Variants in PI4K2B observed in about 807,000 individuals in gnomAD.
The protein encoded by PI4K2B is phosphatidylinositol 4-kinase type 2-beta.
PI4K2B carries 46 observed loss-of-function variants against 56.6 expected under a neutral mutation model. That is an observed-to-expected ratio of 0.81 (90% CI 0.64 to 1.04). PI4K2B has a LOEUF of 1.04. Ranked by LOEUF, PI4K2B falls within the 50% of genes least tolerant of loss-of-function variation. PI4K2B has a pLI of 0.00. For missense variants in PI4K2B, 556 were observed against 607.7 expected, an observed-to-expected ratio of 0.91 and a Z score of 0.89; for synonymous variants, 211 against 223.8, an observed-to-expected ratio of 0.94 and a Z score of 0.51.
rs778512997 is a variant in PI4K2B, at chr4:25,252,512, C to T, written c.423+37C>T. The T allele has an allele frequency of 4.3e-5, 57 of 1,315,778 alleles. 1 individual carries two copies. In the South Asian group the frequency reaches 5.8e-4, roughly 13 times the overall value. 81.5% of individuals were successfully genotyped at this position (1,315,778 alleles called of 1,614,324 possible). On this transcript the variant is annotated intron_variant, in intron 2 of 9. Transcript: ENST00000264864. The stretch of plus-strand genomic sequence containing the variant: ...ACAGACCTATTATATGTAATGGAAA[C>T]TTTGGTAAATACTAATTTAAATATG...
rs191419178 is a variant in PI4K2B, at chr4:25,239,749, G to A, written c.268+5318G>A. ...TGGGCGCCGAGGCCGAGGAGGCGCC[G>A]AGAGTGAGCGAGGGCTGCAAGGGCT... On this transcript the variant is annotated intron_variant, in intron 1 of 9. Transcript: ENST00000264864. Among the ~76,000 whole-genome samples, 72 of 152,370 alleles carry A rather than the reference G, an allele frequency of 4.7e-4. 1 individual carries two copies. Among genetic ancestry groups the A allele is most frequent in the Admixed American group, 4.0e-3 (62 of 15,310 alleles).
chr4:25,247,294 C>T (rs1393985963), intron 1 of PI4K2B, among the ~76,000 whole-genome samples: 1 of 152,238 alleles, frequency 6.6e-6, no homozygotes, highest in Non-Finnish European at 1.5e-5. Flanking sequence ...TTTGAAAGTC[C>T]GTGAGTGGCG....
chr4:25,241,036 A>T lies in PI4K2B; in HGVS notation c.268+6605A>T, dbSNP rs113926047. Among the ~76,000 whole-genome samples the T allele has an allele frequency of 1.2e-3, 179 of 152,082 alleles. 2 individuals carry two copies. The South Asian group carries it at 0.022, about 18-fold the overall frequency. On this transcript the variant is annotated intron_variant, in intron 1 of 9. Transcript: ENST00000264864. Reference sequence around the variant, plus strand: ...CCTTTTTGATGGCTTTGGCAGTGTAAGACTGCCACCCCCTTGGGTTTTTTG... The same window carrying T: ...CCTTTTTGATGGCTTTGGCAGTGTATGACTGCCACCCCCTTGGGTTTTTTG...
chr4:25,238,519 G>C (rs932460149), intron 1 of PI4K2B, among the ~76,000 whole-genome samples: 1 of 152,130 alleles, frequency 6.6e-6, no homozygotes, highest in African/African-American at 2.4e-5. Flanking sequence ...GTTCTTAAAG[G>C]CGGTGTGTTC....
At chr4:25,236,332 T>C (rs1715261949) in intron 1 of PI4K2B, among the ~76,000 whole-genome samples, 1 of 152,044 alleles carries the variant, frequency 6.6e-6, no homozygotes. Flanking sequence ...GGTGGATCAT[T>C]TGAGGTCAGG....
chr4:25,259,811 G>A (rs1232315744), intron 5 of PI4K2B, among the ~76,000 whole-genome samples: 1 of 152,200 alleles, frequency 6.6e-6, no homozygotes, highest in African/African-American at 2.4e-5. Flanking sequence ...TGCAGGCCAC[G>A]GGTTGGATAA....
At chr4:25,252,499 T>C (rs994693216) in intron 2 of PI4K2B, 24 bp downstream of exon 2, 3 of 1,456,156 alleles carry the variant, frequency 2.1e-6, no homozygotes, top group Non-Finnish European at 1.9e-6. Context: ...AGACCTATTA[T>C]ATGTAATGGA....
At chr4:25,263,001 A>C (rs1716533311) in intron 6 of PI4K2B, among the ~76,000 whole-genome samples, 1 of 152,172 alleles carries the variant, frequency 6.6e-6, no homozygotes, top group Non-Finnish European at 1.5e-5. Flanking sequence ...ACTTACAATC[A>C]TGGCAGAAGG....
chr4:25,260,694 A>G, intron 6 of PI4K2B, 103 bp downstream of exon 6: 1 of 274,372 alleles, frequency 3.6e-6, no homozygotes, highest in Non-Finnish European at 6.9e-6. Flanking sequence ...ATAATTGTGT[A>G]TAACTTGTGA....
Position 25,278,331 on chromosome 4 carries a change from G to A in PI4K2B, c.*1144G>A, listed in dbSNP as rs1222892031. Reference sequence around the variant, plus strand: ...TGATTTAAATTCAATTGATGAAGATGTGATTTTACAGAAGCAGAAGTTTCA... The same window carrying A: ...TGATTTAAATTCAATTGATGAAGATATGATTTTACAGAAGCAGAAGTTTCA... On this transcript the variant is annotated 3_prime_UTR_variant, in exon 10 of 10. Coordinates refer to ENST00000264864, the MANE Select transcript of PI4K2B (RefSeq NM_018323.4). 2 of 152,188 alleles carry A rather than the reference G, an allele frequency of 1.3e-5. No individual in the cohort carries two copies. Among genetic ancestry groups the A allele is most frequent in the Non-Finnish European group, 2.9e-5 (2 of 68,040 alleles). The allele number at this position is 152,188 out of a possible 1,614,324, so 9.4% of individuals were successfully genotyped here. A position where few individuals can be genotyped will look rare whatever the true frequency, so the allele number is the denominator to read the frequency against.
intron 1 of PI4K2B, among the ~76,000 whole-genome samples, chr4:25,237,741 T>G (rs879431449): frequency 2.0e-5 from 3 of 152,160 alleles, no homozygotes; most frequent in Non-Finnish European, 2.9e-5. Context: ...GGGAGGCCTC[T>G]TTGGTGCACA....
intron 6 of PI4K2B, among the ~76,000 whole-genome samples, chr4:25,263,028 G>A (rs558901693): frequency 8.4e-4 from 128 of 152,282 alleles, no homozygotes; most frequent in African/African-American, 2.6e-3. Context: ...TTCACAGGGT[G>A]GCAGGAGAAT....
rs1399532562 is a variant in PI4K2B at position 25,278,406 on chromosome 4, T to C, written c.*1219T>C. On this transcript the variant is annotated 3_prime_UTR_variant, in exon 10 of 10. Transcript: ENST00000264864. Reference sequence around the variant, plus strand: ...TCACCACTTGGGCTTAACTGGGTAATTTGTGGTCTAGGCCTTTTGTTTTCT... The same window carrying C: ...TCACCACTTGGGCTTAACTGGGTAACTTGTGGTCTAGGCCTTTTGTTTTCT... 6.6e-6 allele frequency: 1 copy of C among 152,222 alleles called. No homozygotes were observed. The highest frequency in any genetic ancestry group is 1.5e-5 in the Non-Finnish European group (1 of 68,034). 9.4% of individuals were successfully genotyped at this position (152,222 alleles called of 1,614,324 possible).
At chr4:25,274,841 G>A (rs2017396) in intron 9 of PI4K2B, among the ~76,000 whole-genome samples, 26,082 of 151,880 alleles carry the variant, frequency 0.17, 2,332 homozygotes, top group East Asian at 0.31. Context: ...TGTCACCCAC[G>A]CTGGAATGCA....
intron 9 of PI4K2B, chr4:25,276,682 T>C: frequency 2.0e-6 from 2 of 984,898 alleles, no homozygotes; most frequent in Non-Finnish European, 2.4e-6. Flanking sequence ...TATGTTAAAT[T>C]GAATATGTAT....
chr4:25,242,280 A>G (rs1341812361), intron 1 of PI4K2B, among the ~76,000 whole-genome samples: 1 of 152,172 alleles, frequency 6.6e-6, no homozygotes, highest in African/African-American at 2.4e-5. Context: ...AATCATCCAC[A>G]TATTGAAGGA....
intron 9 of PI4K2B, chr4:25,276,737 C>A: frequency 2.0e-6 from 2 of 985,240 alleles, no homozygotes; most frequent in South Asian, 9.4e-5. Context: ...TGCTCCTGGA[C>A]ATAGGCAGGA....
chr4:25,253,666 A>G (rs889791940), intron 2 of PI4K2B, among the ~76,000 whole-genome samples: 1 of 152,258 alleles, frequency 6.6e-6, no homozygotes, highest in African/African-American at 2.4e-5. Flanking sequence ...TTGTCTAAGG[A>G]TAATTCAGCT....
At chr4:25,257,259 A>G (rs562890822) in intron 4 of PI4K2B, among the ~76,000 whole-genome samples, 5 of 152,014 alleles carry the variant, frequency 3.3e-5, no homozygotes, top group East Asian at 3.9e-4. Context: ...ATAGAGTCTC[A>G]CCATGTTGCC....
Sources: gnomAD v4.1 joint callset for allele counts (sites outside exome capture counted in the v4.1 genomes callset) on GRCh38, gnomAD v4.1.1 for gene constraint, MANE v1.5 for transcripts, NCBI Gene and HGNC (gene_info 2026-07-23, HGNC 2026-07-21) for gene names.